Variants in CMYA5 observed in about 807,000 individuals in gnomAD.
CMYA5 encodes cardiomyopathy associated 5, also known as cardiomyopathy-associated protein 5.
CMYA5 carries 246 observed loss-of-function variants against 318.9 expected under a neutral mutation model. The ratio of observed to expected loss-of-function variants is 0.77; its 90% CI spans 0.70 to 0.86. The LOEUF (loss-of-function observed/expected upper bound fraction) is 0.86. Ranked by LOEUF, CMYA5 falls within the 40% of genes least tolerant of loss-of-function variation. The probability of loss-of-function intolerance (pLI) is 0.00; values close to 1 mark genes in which losing one functional copy is unlikely to be tolerated. For synonymous variants in CMYA5, 1,641 were observed against 1,729.5 expected, an observed-to-expected ratio of 0.95 and a Z score of 1.27; for missense variants, 4,589 against 4,678.2, an observed-to-expected ratio of 0.98 and a Z score of 0.56.
At chr5:79,707,396 TAATA>T (rs1434177416) in intron 1 of CMYA5, among the ~76,000 whole-genome samples, 1 of 152,200 alleles carries the variant, frequency 6.6e-6, no homozygotes, top group Non-Finnish European at 1.5e-5. Context: ...AGTTAATGAA[TAATA>T]AATGATGATG....
chr5:79,721,848 A>G (rs1453927129), intron 1 of CMYA5, among the ~76,000 whole-genome samples: 2 of 152,248 alleles, frequency 1.3e-5, no homozygotes, highest in Non-Finnish European at 2.9e-5. Context: ...TTACAGAACC[A>G]TAAGGAGAGA....
rs1234882598 is a variant in CMYA5, at chr5:79,734,244, G to A, written c.5479G>A (p.Ala1827Thr). Residue 1827 changes from alanine to threonine, a missense_variant, in exon 2 of 13, where the codon GCA becomes ACA. Transcript: ENST00000446378. ...TGTAGAACAAAAAAAGACAGAAAAA[G>A]CACTTCATTCAGATCAAACTGTTAA... ...LLVEQKKTEKALHSDQTVKLP... is the reference protein window; with the variant it reads ...LLVEQKKTEKTLHSDQTVKLP... The A allele has an allele frequency of 1.9e-6, 3 of 1,613,558 alleles. No homozygotes were observed. Among genetic ancestry groups the A allele is most frequent in the East Asian group, 2.2e-5 (1 of 44,894 alleles).
intron 1 of CMYA5, among the ~76,000 whole-genome samples, chr5:79,695,417 A>C (rs111950873): frequency 3.2e-4 from 49 of 152,384 alleles, no homozygotes; most frequent in African/African-American, 1.2e-3. Flanking sequence ...TGTAAAACTT[A>C]TTAGAGATAT....
chr5:79,791,410 T>C (rs1413899964), intron 11 of CMYA5, among the ~76,000 whole-genome samples: 1 of 152,160 alleles, frequency 6.6e-6, no homozygotes, highest in African/African-American at 2.4e-5. Context: ...CCAGATATTT[T>C]ATCAACCCTC....
At chr5:79,771,198 A>G (rs1389654590) in intron 9 of CMYA5, among the ~76,000 whole-genome samples, 1 of 152,182 alleles carries the variant, frequency 6.6e-6, no homozygotes, top group African/African-American at 2.4e-5. Context: ...ACACTTTGAG[A>G]GGCTACTCAG....
rs555069816 is a variant in CMYA5, at chr5:79,742,467, A to G, written c.10639-1360A>G. Among the ~76,000 whole-genome samples the G allele has an allele frequency of 7.9e-5, 12 of 152,324 alleles. No individual in the cohort carries two copies. The East Asian group carries it at 1.7e-3, about 22-fold the overall frequency. Reference sequence around the variant, plus strand: ...CTCCCAAAGTGCTGGGATTCCAGGCAGTAGCCACTGCAGCTGGCCAGTTGG... The same window carrying G: ...CTCCCAAAGTGCTGGGATTCCAGGCGGTAGCCACTGCAGCTGGCCAGTTGG... On this transcript the variant is annotated intron_variant, in intron 2 of 12. Coordinates refer to ENST00000446378, the MANE Select transcript of CMYA5 (RefSeq NM_153610.5).
intron 4 of CMYA5, 116 bp from the exon 5 acceptor site, chr5:79,746,974 TG>T: frequency 1.5e-6 from 1 of 645,804 alleles, no homozygotes. Context: ...TTTTCAAACG[TG>T]GGTAATCTTA....
rs760733867 is a variant in CMYA5, at chr5:79,736,447, C to T, written c.7682C>T (p.Ser2561Phe). Residue 2561 changes from serine (S) to phenylalanine (F), a missense_variant, in exon 2 of 13, where the codon TCT becomes TTT. Ser to Phe is a radical substitution (Grantham distance 155). Transcript: ENST00000446378. ...AAGCAGCAGGAACATCAGCCTTATT[C>T]TGTGAATGTAGCCGAGTCTATGAGT... The part of the protein sequence containing the change: ...GKKQQEHQPY[S>F]VNVAESMSRE... 1 of 1,609,322 alleles carries T rather than the reference C, an allele frequency of 6.2e-7. No individual in the cohort carries two copies.
chr5:79,733,749 A>C lies in CMYA5; in HGVS notation c.4984A>C (p.Thr1662Pro). The C allele has an allele frequency of 6.2e-7, 1 of 1,613,664 alleles. No homozygotes were observed. ...IGTKQAKSPI[T>P]ETEDSVLEKG... ...TACAAAACAAGCAAAGTCTCCCATA[A>C]CTGAAACAGAGGATTCTGTTTTAGA... is the stretch of plus-strand genomic sequence containing the variant. The change falls in exon 2 of 13, where the codon ACT (threonine) becomes CCT (proline). Residue 1662 changes from threonine (T) to proline (P), a missense_variant. Thr to Pro is a conservative substitution (Grantham distance 38). This residue lies in a region of CMYA5 where 2,132 missense variants were observed against 2,131.3 expected (regional missense o/e 1.00). Transcript: ENST00000446378.
intron 1 of CMYA5, among the ~76,000 whole-genome samples, chr5:79,726,160 T>G (rs1827743888): frequency 6.6e-6 from 1 of 152,210 alleles, no homozygotes; most frequent in African/African-American, 2.4e-5. Context: ...TGTTCTCTCC[T>G]CAGCACTCAT....
intron 1 of CMYA5, among the ~76,000 whole-genome samples, chr5:79,727,691 T>G (rs1474636784): frequency 1.3e-5 from 2 of 152,166 alleles, no homozygotes; most frequent in Admixed American, 6.5e-5. Context: ...GTAGGTAGAA[T>G]TTACAGTTGC....
chr5:79,775,698 T>C (rs549791159), intron 9 of CMYA5, among the ~76,000 whole-genome samples: 40 of 152,328 alleles, frequency 2.6e-4, no homozygotes, highest in Admixed American at 1.3e-3. Context: ...AAGATAATAG[T>C]GATTGCCTTT....
In CMYA5 at chr5:79,733,124, T is replaced by C. The variant is rs1420347613; in HGVS notation, c.4359T>C (p.Ser1453=). The change falls in exon 2 of 13, where the codon TCT becomes TCC. Residue 1453 remains serine (S), a synonymous_variant. Transcript: ENST00000446378. ...TTGATTCACTTCCAAGTGTCTCCTC[T>C]ATAGCAGAGCATTCTGTTTTGTCAG... ...IKFDSLPSVS[S]IAEHSVLSEV... is the part of the protein sequence containing the mutation. 2 of 1,613,818 alleles carry C rather than the reference T, an allele frequency of 1.2e-6. No individual in the cohort carries two copies. The highest frequency in any genetic ancestry group is 1.7e-6 in the Non-Finnish European group (2 of 1,179,842).
chr5:79,738,634 G>T lies in CMYA5; in HGVS notation c.9869G>T (p.Cys3290Phe), dbSNP rs753611262. 3 of 1,613,876 alleles carry T rather than the reference G, an allele frequency of 1.9e-6. No homozygotes were observed. The highest frequency in any genetic ancestry group is 1.6e-4 in the Middle Eastern group (1 of 6,062). The change falls in exon 2 of 13, where the codon TGC becomes TTC. Residue 3290 changes from cysteine to phenylalanine, a missense_variant. Around this residue, in one of 3 missense-constraint regions of CMYA5, gnomAD observed 2,431 missense variants for 2,495.1 expected, o/e 0.97. Transcript: ENST00000446378. ...GEIWGKFGTI[C>F]REKSLEEQKG... ...ATTTGGGGAAAGTTTGGAACTATTTGCAGGGAGAAGAGTCTGGAAGAACAG... is the reference window on the plus strand; with the variant it reads ...ATTTGGGGAAAGTTTGGAACTATTTTCAGGGAGAAGAGTCTGGAAGAACAG...
intron 1 of CMYA5, among the ~76,000 whole-genome samples, chr5:79,723,271 T>C (rs1170025669): frequency 6.6e-6 from 1 of 151,732 alleles, no homozygotes; most frequent in African/African-American, 2.4e-5. Flanking sequence ...AAACCTCATC[T>C]CTACTAAAAA....
chr5:79,722,844 A>G (rs955753685), intron 1 of CMYA5, among the ~76,000 whole-genome samples: 2 of 152,158 alleles, frequency 1.3e-5, no homozygotes, highest in Non-Finnish European at 2.9e-5. Flanking sequence ...CTTTAATTCA[A>G]TGATTTCTAA....
At chr5:79,724,335 A>T (rs1212453673) in intron 1 of CMYA5, among the ~76,000 whole-genome samples, 2 of 152,166 alleles carry the variant, frequency 1.3e-5, no homozygotes, top group African/African-American at 4.8e-5. Flanking sequence ...CACCCAAAAA[A>T]TTGTTTAATA....
Position 79,733,587 on chromosome 5 carries a change from T to C in CMYA5, c.4822T>C (p.Ser1608Pro), listed in dbSNP as rs780720111. ...VSSTAQGDFP[S>P]EKQDVALAEL... ...TTCTACAGCTCAGGGAGACTTCCCA[T>C]CAGAAAAACAAGATGTTGCTTTGGC... Residue 1608 changes from serine (S) to proline (P), a missense_variant, in exon 2 of 13, where the codon TCA becomes CCA. Physicochemically the swap from Ser to Pro is moderately conservative, Grantham distance 74. This residue lies in a region of CMYA5 where 2,132 missense variants were observed against 2,131.3 expected (regional missense o/e 1.00). Transcript: ENST00000446378. The C allele has an allele frequency of 1.9e-6, 3 of 1,613,794 alleles. No individual in the cohort carries two copies. The highest frequency in any genetic ancestry group is 2.2e-5 in the East Asian group (1 of 44,874).
At chr5:79,770,167 C>T (rs1230730055) in intron 9 of CMYA5, among the ~76,000 whole-genome samples, 1 of 152,198 alleles carries the variant, frequency 6.6e-6, no homozygotes, top group African/African-American at 2.4e-5. Flanking sequence ...CAAGCTCGAG[C>T]ATTCCAGATT....
Sources: allele counts gnomAD v4.1 joint callset (sites outside exome capture counted in the v4.1 genomes callset), GRCh38; gene constraint gnomAD v4.1.1; regional missense constraint gnomAD v4.1.1; transcripts MANE v1.5; gene names NCBI Gene and HGNC (gene_info 2026-07-23, HGNC 2026-07-21).